The following SLC41A2 variants were observed in gnomAD, a reference collection of about 807,000 sequenced individuals.
The protein encoded by SLC41A2 is SLC41A1-like 1.
SLC41A2 carries 32 observed loss-of-function variants against 58.3 expected under a neutral mutation model. The ratio of observed to expected loss-of-function variants is 0.55; its 90% confidence interval spans 0.41 to 0.74. The LOEUF (loss-of-function observed/expected upper bound fraction) is 0.74, where lower values mean the gene tolerates loss of function less well. SLC41A2 is among the 30% of genes least tolerant of loss of function. The pLI is 0.00. For missense variants in SLC41A2, 514 were observed against 680.6 expected (o/e 0.76, Z 2.72); for synonymous variants, 190 against 235.0 (o/e 0.81, Z 1.75).
intron 3 of SLC41A2, among the ~76,000 whole-genome samples, chr12:104,895,988 C>G (rs1297198292): frequency 3.3e-5 from 5 of 152,096 alleles, no homozygotes; most frequent in Non-Finnish European, 5.9e-5. Context: ...ACTTAGAATT[C>G]AAAAAGTGTA....
chr12:104,917,987 A>AAT (rs2046407222), intron 2 of SLC41A2, among the ~76,000 whole-genome samples: 3 of 147,876 alleles, frequency 2.0e-5, no homozygotes, highest in Non-Finnish European at 3.0e-5. Flanking sequence ...AAATAAAATA[A>AAT]ATATATATAT....
chr12:104,887,324 A>G (rs1391080633), intron 5 of SLC41A2, among the ~76,000 whole-genome samples: 3 of 151,936 alleles, frequency 2.0e-5, no homozygotes, highest in African/African-American at 7.2e-5. Context: ...CAGCATACTC[A>G]CTTTATAGAT....
At chr12:104,885,145 G>A (rs2044594320) in intron 6 of SLC41A2, among the ~76,000 whole-genome samples, 1 of 151,764 alleles carries the variant, frequency 6.6e-6, no homozygotes, top group Non-Finnish European at 1.5e-5. Context: ...CAAGACCTTT[G>A]GGAACAAGAG....
intron 10 of SLC41A2, among the ~76,000 whole-genome samples, chr12:104,815,130 C>T (rs2468094): frequency 0.45 from 67,937 of 152,018 alleles, 15,756 homozygotes; most frequent in Middle Eastern, 0.55. Flanking sequence ...TAAATTTATT[C>T]GTTTTTTGCA....
At chr12:104,807,079 A>T (rs10459201) in intron 10 of SLC41A2, among the ~76,000 whole-genome samples, 74,545 of 151,164 alleles carry the variant, frequency 0.49, 18,994 homozygotes, top group Middle Eastern at 0.57. Context: ...ATTAGATCCC[A>T]TTTGTCAATT....
At chr12:104,904,822 C>A (rs931335745) in intron 3 of SLC41A2, among the ~76,000 whole-genome samples, 1 of 152,086 alleles carries the variant, frequency 6.6e-6, no homozygotes, top group Non-Finnish European at 1.5e-5. Flanking sequence ...TGCAGATCTT[C>A]GCGGTGAGTG....
intron 1 of SLC41A2, among the ~76,000 whole-genome samples, chr12:104,942,485 A>G (rs948620659): frequency 8.6e-5 from 13 of 151,544 alleles, no homozygotes; most frequent in African/African-American, 3.2e-4. Flanking sequence ...CCAAAAAAAA[A>G]AAAAAACCAT....
At chr12:104,894,533 C>T (rs2045185934) in intron 4 of SLC41A2, among the ~76,000 whole-genome samples, 1 of 152,112 alleles carries the variant, frequency 6.6e-6, no homozygotes, top group Non-Finnish European at 1.5e-5. Context: ...CACTTGTACA[C>T]GTATTCAAAA....
At chr12:104,950,969 T>C (rs755545583) in intron 1 of SLC41A2, among the ~76,000 whole-genome samples, 1 of 152,226 alleles carries the variant, frequency 6.6e-6, no homozygotes. Context: ...GAAAGCAAGA[T>C]TGAAATATCA....
intron 10 of SLC41A2, among the ~76,000 whole-genome samples, chr12:104,828,671 G>A (rs761802030): frequency 7.9e-5 from 12 of 151,898 alleles, no homozygotes; most frequent in African/African-American, 2.9e-4. Context: ...GACAAGGAAC[G>A]TTTCCCGTTT....
chr12:104,903,694 C>T (rs1252051281), intron 3 of SLC41A2, among the ~76,000 whole-genome samples: 1 of 152,230 alleles, frequency 6.6e-6, no homozygotes, highest in Non-Finnish European at 1.5e-5. Flanking sequence ...ATGGCCTCAA[C>T]ACTTCTTATT....
intron 6 of SLC41A2, among the ~76,000 whole-genome samples, chr12:104,880,153 GCA>G (rs1398314729): frequency 6.6e-6 from 1 of 152,078 alleles, no homozygotes; most frequent in African/African-American, 2.4e-5. Context: ...TGTGATTTTT[GCA>G]CATTGATTTT....
At chr12:104,943,728 G>A (rs1171476367) in intron 1 of SLC41A2, among the ~76,000 whole-genome samples, 2 of 152,176 alleles carry the variant, frequency 1.3e-5, no homozygotes, top group East Asian at 3.8e-4. Flanking sequence ...CTGAGAGACA[G>A]GACTAGCTGG....
In SLC41A2 at chr12:104,927,997, A is replaced by C; in HGVS notation, c.531T>G (p.Ala177=). 1 of 1,610,354 alleles carries C rather than the reference A, an allele frequency of 6.2e-7. No homozygotes were observed. The highest frequency in any genetic ancestry group is 8.5e-7 in the Non-Finnish European group (1 of 1,178,090). Residue 177 remains alanine, a synonymous_variant, in exon 2 of 11, where the codon GCT becomes GCG. Transcript: ENST00000258538. ...CCTGTACTATATCCAGTACCATGCC[A>C]GCTGAAACTGTTCCAAAACCAGCTA... The part of the protein sequence containing the change: ...FLLAGFGTVS[A]GMVLDIVQHW...
chr12:104,882,072 GCTTT>G (rs764929527), intron 6 of SLC41A2, among the ~76,000 whole-genome samples: 19 of 152,080 alleles, frequency 1.2e-4, no homozygotes, highest in African/African-American at 1.9e-4. Context: ...TTATGTAATG[GCTTT>G]CTTTGTCTCT....
intron 8 of SLC41A2, among the ~76,000 whole-genome samples, chr12:104,857,529 T>C (rs904216145): frequency 3.3e-5 from 5 of 152,208 alleles, no homozygotes; most frequent in African/African-American, 1.2e-4. Context: ...TTATAAATCA[T>C]GCTGCTATAA....
chr12:104,892,033 C>T (rs2045002310), intron 4 of SLC41A2, among the ~76,000 whole-genome samples: 1 of 152,148 alleles, frequency 6.6e-6, no homozygotes, highest in South Asian at 2.1e-4. Flanking sequence ...GGAGCAGTGG[C>T]TCACACCTGT....
chr12:104,811,788 T>C (rs950105349), intron 10 of SLC41A2, among the ~76,000 whole-genome samples: 4 of 152,152 alleles, frequency 2.6e-5, no homozygotes, highest in African/African-American at 7.2e-5. Context: ...GAGGGACACA[T>C]GAGAAAAGAA....
chr12:104,853,910 G>GATTATTATTATTATTATT (rs1415342230), intron 8 of SLC41A2, among the ~76,000 whole-genome samples: 17 of 50,774 alleles, frequency 3.3e-4, no homozygotes, highest in Middle Eastern at 0.013. Context: ...ATGCCTGGCT[G>GATTATTATTATTATTATT]ATTTTTTTTT....
Sources: gnomAD v4.1 joint callset for allele counts (sites outside exome capture counted in the v4.1 genomes callset) on GRCh38, gnomAD v4.1.1 for gene constraint, MANE v1.5 for transcripts, NCBI Gene and HGNC (gene_info 2026-07-23, HGNC 2026-07-21) for gene names.